SLC51A: variants seen among roughly 807,000 people sequenced by gnomAD.
SLC51A encodes the protein solute carrier family 51 member A.
In SLC51A, 22 loss-of-function variants were observed where a neutral mutation model predicts 34.8. The ratio of observed to expected loss-of-function variants is 0.63; its 90% CI spans 0.45 to 0.90. The LOEUF (loss-of-function observed/expected upper bound fraction) is 0.90, where lower values mean the gene tolerates loss of function less well. SLC51A is among the 40% of genes least tolerant of loss of function. SLC51A has a pLI of 0.00. For missense variants in SLC51A, 371 were observed against 414.8 expected, an observed-to-expected ratio of 0.89 and a Z score of 0.92; for synonymous variants, 181 against 176.3, an observed-to-expected ratio of 1.03 and a Z score of -0.21.
intron 2 of SLC51A, among the ~76,000 whole-genome samples, chr3:196,224,297 G>T (rs944490685): frequency 6.6e-6 from 1 of 151,632 alleles, no homozygotes; most frequent in Non-Finnish European, 1.5e-5. Context: ...TCTAAAAAAA[G>T]GTTTATTTTT....
intron 2 of SLC51A, 128 bp from the exon 3 acceptor site, chr3:196,226,837 T>TA: frequency 1.3e-6 from 1 of 774,506 alleles, no homozygotes; most frequent in Non-Finnish European, 2.0e-6. Context: ...ACTCTAGGTC[T>TA]AAAAAATCCT....
intron 6 of SLC51A, 38 bp from the exon 7 acceptor site, chr3:196,229,877 G>A (rs139129509): frequency 1.3e-6 from 2 of 1,545,524 alleles, no homozygotes; most frequent in Admixed American, 3.8e-5. Context: ...GAGAGAGAGA[G>A]CTTGCCTGCC....
intron 1 of SLC51A, among the ~76,000 whole-genome samples, chr3:196,217,500 C>T (rs1288503344): frequency 6.6e-6 from 1 of 151,136 alleles, no homozygotes; most frequent in Non-Finnish European, 1.5e-5. Flanking sequence ...CCAAGACAGA[C>T]CACTGCACTC....
chr3:196,230,641 C>T (rs915649188), intron 7 of SLC51A, among the ~76,000 whole-genome samples: 9 of 151,960 alleles, frequency 5.9e-5, no homozygotes, highest in South Asian at 2.1e-4. Flanking sequence ...TGTACCACCA[C>T]GCCCGGCTAA....
At chr3:196,224,461 G>A (rs1350914521) in intron 2 of SLC51A, among the ~76,000 whole-genome samples, 10 of 151,112 alleles carry the variant, frequency 6.6e-5, no homozygotes, top group South Asian at 6.3e-4. Context: ...TTGGGAGGCC[G>A]AGGTGGGCGG....
chr3:196,223,431 G>A (rs1723814980), intron 2 of SLC51A, among the ~76,000 whole-genome samples: 1 of 151,818 alleles, frequency 6.6e-6, no homozygotes, highest in Non-Finnish European at 1.5e-5. Flanking sequence ...GATGTGGGCG[G>A]AAGGAGGACA....
In SLC51A at chr3:196,228,283, G is replaced by T; in HGVS notation, c.521+10G>T. On this transcript the variant is annotated intron_variant, in intron 5 of 8. Transcript: ENST00000296327. The surrounding 1 kb of genome is among the most constrained non-coding windows in gnomAD (Gnocchi z 4.9). ...GGCTGCTGCTCACCAGGTGAGGCGG[G>T]GCCAAGGTGCCTTCCCCAGGAGCCG... is the stretch of plus-strand genomic sequence containing the variant. 6.2e-7 allele frequency: 1 copy of T among 1,606,278 alleles called. No individual in the cohort carries two copies. The highest frequency in any genetic ancestry group is 8.5e-7 in the Non-Finnish European group (1 of 1,177,770).
Position 196,216,854 on chromosome 3 carries a change from G to A in SLC51A, c.38+104G>A. ...CAGAGCCCTTTGGCGGCCGCACTCA[G>A]AATGAGACAGGACTGGAAATGCTCT... On this transcript the variant is annotated intron_variant, in intron 1 of 8. Coordinates refer to ENST00000296327, the MANE Select transcript of SLC51A (RefSeq NM_152672.6). The surrounding 1 kb of genome is among the most constrained non-coding windows in gnomAD (Gnocchi z 4.5). 1 of 1,207,266 alleles carries A rather than the reference G, an allele frequency of 8.3e-7. No individual in the cohort carries two copies. The highest frequency in any genetic ancestry group is 1.2e-6 in the Non-Finnish European group (1 of 862,576). 74.8% of individuals were successfully genotyped at this position (1,207,266 alleles called of 1,614,324 possible).
intron 7 of SLC51A, among the ~76,000 whole-genome samples, chr3:196,231,148 T>C (rs1724021501): frequency 6.6e-6 from 1 of 152,252 alleles, no homozygotes; most frequent in Non-Finnish European, 1.5e-5. Flanking sequence ...GAGTCATTTT[T>C]CCCATTTTAC....
At chr3:196,218,347 C>G (rs1207682730) in intron 2 of SLC51A, among the ~76,000 whole-genome samples, 1 of 152,208 alleles carries the variant, frequency 6.6e-6, no homozygotes, top group Non-Finnish European at 1.5e-5. Context: ...AGGGTGGTTA[C>G]GGTGAGTGAC....
chr3:196,227,182 T>G, intron 3 of SLC51A, 63 bp downstream of exon 3: 1 of 1,486,330 alleles, frequency 6.7e-7, no homozygotes, highest in Non-Finnish European at 9.2e-7. Context: ...AAGGTGAGAA[T>G]TCCTCTAAAC....
At chr3:196,221,864 C>T (rs1043507113) in intron 2 of SLC51A, among the ~76,000 whole-genome samples, 50 of 151,930 alleles carry the variant, frequency 3.3e-4, no homozygotes, top group African/African-American at 1.0e-3. Flanking sequence ...TACAGGCGCC[C>T]GCCACCACAC....
intron 2 of SLC51A, among the ~76,000 whole-genome samples, chr3:196,222,006 C>T (rs1210087638): frequency 6.6e-6 from 1 of 152,156 alleles, no homozygotes; most frequent in East Asian, 1.9e-4. Context: ...GCGTGAGCCC[C>T]CCCGCCCGGC....
chr3:196,220,403 C>A (rs1409004410), intron 2 of SLC51A, among the ~76,000 whole-genome samples: 1 of 152,122 alleles, frequency 6.6e-6, no homozygotes, highest in African/African-American at 2.4e-5. Flanking sequence ...TCAAGATCAG[C>A]CTGGCCAATG....
chr3:196,231,188 T>G (rs1187113718), intron 7 of SLC51A, among the ~76,000 whole-genome samples: 1 of 152,206 alleles, frequency 6.6e-6, no homozygotes, highest in African/African-American at 2.4e-5. Context: ...GAGATGTTCT[T>G]GCTCAAAGGC....
At chr3:196,231,304 C>T (rs1724024462) in intron 7 of SLC51A, among the ~76,000 whole-genome samples, 1 of 152,192 alleles carries the variant, frequency 6.6e-6, no homozygotes. Context: ...TCTGAAAATT[C>T]TCTCAAAGGC....
intron 8 of SLC51A, 65 bp downstream of exon 8, chr3:196,232,589 G>A (rs1336464392): frequency 3.0e-6 from 4 of 1,354,786 alleles, no homozygotes; most frequent in African/African-American, 1.4e-5. Context: ...AGGAAAGAAG[G>A]GGCCCCAGAA....
chr3:196,226,787 AAAGAAAAAG>A (rs1258225451), intron 2 of SLC51A, among the ~76,000 whole-genome samples, 169 bp from the exon 3 acceptor site: 3 of 120,842 alleles, frequency 2.5e-5, no homozygotes, highest in Non-Finnish European at 4.0e-5. Context: ...AAAAAAAAAA[AAAGAAAAAG>A]AAAAAAAAAA....
At chr3:196,219,358 G>A (rs886574270) in intron 2 of SLC51A, among the ~76,000 whole-genome samples, 1 of 152,196 alleles carries the variant, frequency 6.6e-6, no homozygotes, top group Non-Finnish European at 1.5e-5. Flanking sequence ...TGTGACTCAC[G>A]CCTGCGTTTT....
Sources: allele counts gnomAD v4.1 joint callset (sites outside exome capture counted in the v4.1 genomes callset), GRCh38; gene constraint gnomAD v4.1.1; non-coding constraint Gnocchi (gnomAD v3.1); transcripts MANE v1.5; gene names NCBI Gene and HGNC (gene_info 2026-07-23, HGNC 2026-07-21).